MAGI2: variants seen among roughly 807,000 people sequenced by gnomAD.
MAGI2 encodes the protein membrane-associated guanylate kinase, WW and PDZ domain-containing protein 2.
A neutral mutation model predicts 133.3 loss-of-function variants in MAGI2; 35 were observed. The observed-to-expected ratio is 0.26, with a 90% confidence interval of 0.20 to 0.35. The LOEUF is 0.35. Ranked by LOEUF, MAGI2 falls within the 10% of genes least tolerant of loss-of-function variation. The probability of loss-of-function intolerance (pLI) is 1.00; values close to 1 mark genes in which losing one functional copy is unlikely to be tolerated. For missense variants in MAGI2, 1,636 were observed against 1,863.4 expected (o/e 0.88, Z 2.25); for synonymous variants, 729 against 710.6 (o/e 1.03, Z -0.41).
intron 13 of MAGI2, chr7:78,184,616 T>C (rs1212469460): frequency 2.6e-5 from 4 of 152,162 alleles, no homozygotes; most frequent in African/African-American, 9.7e-5. Flanking sequence ...AATCTGGTGG[T>C]CTGATTAGCT....
chr7:79,258,903 T>C (rs1214194669), intron 1 of MAGI2, among the ~76,000 whole-genome samples: 2 of 152,252 alleles, frequency 1.3e-5, no homozygotes, highest in Non-Finnish European at 2.9e-5. Context: ...AATGGAGCAA[T>C]CTACTATCTT....
intron 9 of MAGI2, among the ~76,000 whole-genome samples, chr7:78,307,544 G>A (rs1798343354): frequency 6.6e-6 from 1 of 152,114 alleles, no homozygotes; most frequent in South Asian, 2.1e-4. Flanking sequence ...CTACAGTGTT[G>A]TAACAGAAAG....
rs1038405159 is a variant in MAGI2 at position 78,078,658 on chromosome 7, TCTC to T, written c.3706+286_3706+288del. On this transcript the variant is annotated intron_variant, in intron 21 of 21. Coordinates refer to ENST00000354212, the MANE Select transcript of MAGI2 (RefSeq NM_012301.4). ...GTTCTAATATTTAAGTGGTGCTAGATCTCCTCGCACACTCACAGATGCCCTGAA... is the reference window on the plus strand; with the variant it reads ...GTTCTAATATTTAAGTGGTGCTAGATCTCGCACACTCACAGATGCCCTGAA... 1.1e-5 allele frequency: 6 copies of T among 543,336 alleles called. No individual in the cohort carries two copies. In the African/African-American group the frequency reaches 1.2e-4, roughly 11 times the overall value. The allele number at this position is 543,336 out of a possible 1,614,324, so 33.7% of individuals were successfully genotyped here. A position where few individuals can be genotyped will look rare whatever the true frequency, so the allele number is the denominator to read the frequency against.
At chr7:78,757,507 A>T (rs1406758709) in intron 2 of MAGI2, among the ~76,000 whole-genome samples, 3 of 152,192 alleles carry the variant, frequency 2.0e-5, no homozygotes, top group Non-Finnish European at 4.4e-5. Context: ...AAGCAAAATA[A>T]AACTTAAAAG....
At position 78,019,431 on chromosome 7, in the gene MAGI2, G is replaced by C. The variant is rs1306144777; in HGVS notation, c.4252C>G (p.Pro1418Ala). ...ARAGPRPGPRPPGGAPARKAA... is the reference protein window; with the variant it reads ...ARAGPRPGPRAPGGAPARKAA... ...TTGCGCGCCGGGGCGCCCCCCGGGG[G>C]TCGCGGGCCCGGCCGGGGACCCGCG... Residue 1418 changes from proline (P) to alanine (A), a missense_variant, in exon 22 of 22, where the codon CCC becomes GCC. By Grantham distance (27) the Pro-to-Ala change is conservative. Around this residue, in one of 5 missense-constraint regions of MAGI2, gnomAD observed 354 missense variants for 298.7 expected, o/e 1.19. Transcript: ENST00000354212. 1 of 1,041,130 alleles carries C rather than the reference G, an allele frequency of 9.6e-7. No homozygotes were observed. The highest frequency in any genetic ancestry group is 1.2e-6 in the Non-Finnish European group (1 of 867,656). The allele number at this position is 1,041,130 out of a possible 1,614,324, so 64.5% of individuals were successfully genotyped here.
intron 6 of MAGI2, among the ~76,000 whole-genome samples, chr7:78,472,577 T>C (rs537140363): frequency 2.0e-5 from 3 of 152,252 alleles, no homozygotes; most frequent in South Asian, 2.1e-4. Flanking sequence ...TACCATTCTT[T>C]AGGGAATACT....
At position 78,373,023 on chromosome 7, in the gene MAGI2, G is replaced by C. The variant is rs1438146936; in HGVS notation, c.1046-3810C>G. On this transcript the variant is annotated intron_variant, in intron 6 of 21. Transcript: ENST00000354212. ...ATTTTTTAACAGTCGGGGTTCCGTTGTGTTGCCCAAGCTGAACTCAAACTT... is the reference window on the plus strand; with the variant it reads ...ATTTTTTAACAGTCGGGGTTCCGTTCTGTTGCCCAAGCTGAACTCAAACTT... Among the ~76,000 whole-genome samples, 3 of 152,034 alleles carry C rather than the reference G, an allele frequency of 2.0e-5. No homozygotes were observed. The East Asian group carries it at 5.8e-4, about 29-fold the overall frequency.
At chr7:78,639,427 A>G (rs1810039374) in intron 2 of MAGI2, among the ~76,000 whole-genome samples, 1 of 152,122 alleles carries the variant, frequency 6.6e-6, no homozygotes, top group African/African-American at 2.4e-5. Context: ...GAGGAGTGAA[A>G]TATTAATGAG....
chr7:78,203,882 G>A (rs554258776), intron 10 of MAGI2, among the ~76,000 whole-genome samples: 1 of 152,126 alleles, frequency 6.6e-6, no homozygotes, highest in Admixed American at 6.5e-5. Context: ...CCAACTTTCC[G>A]CTCAACTTCA....
At chr7:78,664,648 T>C (rs1281163106) in intron 2 of MAGI2, among the ~76,000 whole-genome samples, 4 of 151,936 alleles carry the variant, frequency 2.6e-5, no homozygotes, top group Non-Finnish European at 5.9e-5. Flanking sequence ...AAACTTACTT[T>C]GCATTGTCAG....
chr7:78,992,901 A>C (rs925448612), intron 2 of MAGI2, among the ~76,000 whole-genome samples: 4 of 152,062 alleles, frequency 2.6e-5, no homozygotes, highest in African/African-American at 4.8e-5. Flanking sequence ...TTCAAATAAT[A>C]TATTCAACTT....
chr7:78,977,363 A>G (rs1388070260), intron 2 of MAGI2, among the ~76,000 whole-genome samples: 1 of 151,288 alleles, frequency 6.6e-6, no homozygotes, highest in Admixed American at 6.6e-5. Context: ...TACAGGAACA[A>G]TCAGACAGCC....
chr7:79,218,034 T>A (rs888363013), intron 1 of MAGI2, among the ~76,000 whole-genome samples: 3 of 152,018 alleles, frequency 2.0e-5, no homozygotes, highest in African/African-American at 7.3e-5. Flanking sequence ...AAAAGGTTCA[T>A]AACTGCTGAC....
intron 2 of MAGI2, among the ~76,000 whole-genome samples, chr7:78,735,513 T>A (rs1053555982): frequency 5.3e-5 from 8 of 152,230 alleles, no homozygotes; most frequent in Non-Finnish European, 2.9e-5. Context: ...TATTAGAACA[T>A]TGGCATTGGT....
intron 1 of MAGI2, among the ~76,000 whole-genome samples, chr7:79,079,744 C>G (rs1584878909): frequency 6.6e-6 from 1 of 152,038 alleles, no homozygotes; most frequent in African/African-American, 2.4e-5. Context: ...AGTAACATAA[C>G]TATAGATACT....
intron 1 of MAGI2, among the ~76,000 whole-genome samples, chr7:79,217,647 T>C (rs1830121141): frequency 6.6e-6 from 1 of 152,042 alleles, no homozygotes; most frequent in Non-Finnish European, 1.5e-5. Flanking sequence ...TTAGAATAGT[T>C]TCTGTGCTTT....
intron 2 of MAGI2, among the ~76,000 whole-genome samples, chr7:78,774,450 C>G (rs146654367): frequency 2.6e-5 from 4 of 152,290 alleles, no homozygotes; most frequent in African/African-American, 7.2e-5. Flanking sequence ...ACCAAGAATC[C>G]TCTTCTCTCT....
At chr7:79,149,395 C>T (rs948520111) in intron 1 of MAGI2, among the ~76,000 whole-genome samples, 8 of 151,776 alleles carry the variant, frequency 5.3e-5, no homozygotes, top group Non-Finnish European at 1.0e-4. Context: ...ATTTTGGATG[C>T]GTAACCTTTG....
At chr7:79,291,285 T>C (rs553581792) in intron 1 of MAGI2, among the ~76,000 whole-genome samples, 1 of 152,302 alleles carries the variant, frequency 6.6e-6, no homozygotes, top group East Asian at 1.9e-4. Context: ...CCATTGTATG[T>C]ATAAACCACA....
Sources: gnomAD v4.1 joint callset for allele counts (sites outside exome capture counted in the v4.1 genomes callset) on GRCh38, gnomAD v4.1.1 for gene constraint, gnomAD v4.1.1 regional missense constraint, MANE v1.5 for transcripts, NCBI Gene and HGNC (gene_info 2026-07-23, HGNC 2026-07-21) for gene names.